SCARB2: variants seen among roughly 807,000 people sequenced by gnomAD.
SCARB2 encodes scavenger receptor class B member 2.
Under a neutral mutation model 58.6 loss-of-function variants are expected in SCARB2, and 29 were observed. The ratio of observed to expected loss-of-function variants is 0.49; its 90% CI spans 0.37 to 0.67. The LOEUF is 0.67. Ranked by LOEUF, SCARB2 falls within the 30% of genes least tolerant of loss-of-function variation. The probability of loss-of-function intolerance (pLI) is 0.00; values close to 1 mark genes in which losing one functional copy is unlikely to be tolerated. For synonymous variants in SCARB2, 195 were observed against 210.1 expected, an observed-to-expected ratio of 0.93 and a Z score of 0.62; for missense variants, 488 against 578.5, an observed-to-expected ratio of 0.84 and a Z score of 1.60.
chr4:76,181,184 A>G, intron 2 of SCARB2, 83 bp from the exon 3 acceptor site: 2 of 1,332,058 alleles, frequency 1.5e-6, no homozygotes, highest in Non-Finnish European at 2.1e-6. Context: ...CATCCAAGTT[A>G]TATTTTCAAT....
chr4:76,158,925 T>G lies in SCARB2; in HGVS notation c.*2788A>C, dbSNP rs563272651. The G allele has an allele frequency of 8.5e-5, 13 of 152,324 alleles. No homozygotes were observed. The highest frequency in any genetic ancestry group is 3.1e-4 in the African/African-American group (13 of 41,580). The allele number at this position is 152,324 out of a possible 1,614,324, so 9.4% of individuals were successfully genotyped here. A position where few individuals can be genotyped will look rare whatever the true frequency, so the allele number is the denominator to read the frequency against. On this transcript the variant is annotated 3_prime_UTR_variant, in exon 12 of 12. Coordinates refer to ENST00000264896, the MANE Select transcript of SCARB2 (RefSeq NM_005506.4). ...AGAGGGCCAAGGATGCGGACCACCT[T>G]TTGCAGAACTCATATCTCGAGCAGT...
chr4:76,204,207 C>G (rs919917161), intron 1 of SCARB2, among the ~76,000 whole-genome samples: 1 of 152,186 alleles, frequency 6.6e-6, no homozygotes, highest in Non-Finnish European at 1.5e-5. Flanking sequence ...AAACCCAACC[C>G]AGACTCATGC....
intron 1 of SCARB2, among the ~76,000 whole-genome samples, chr4:76,227,802 C>A (rs1227458338): frequency 6.6e-6 from 1 of 152,164 alleles, no homozygotes; most frequent in Non-Finnish European, 1.5e-5. Flanking sequence ...TCTTTTCTAA[C>A]TGTTGTTGCT....
At chr4:76,201,647 C>T (rs1173210304) in intron 1 of SCARB2, among the ~76,000 whole-genome samples, 1 of 152,180 alleles carries the variant, frequency 6.6e-6, no homozygotes, top group Admixed American at 6.5e-5. Flanking sequence ...GAGACAGTAA[C>T]TTTCTTAGCT....
chr4:76,168,602 A>T (rs147965262), intron 8 of SCARB2, 126 bp from the exon 9 acceptor site: 3 of 750,804 alleles, frequency 4.0e-6, no homozygotes. Flanking sequence ...TGACAGGCAG[A>T]GTGGAAACAA....
Position 76,160,034 on chromosome 4 carries a change from T to C in SCARB2, c.*1679A>G, listed in dbSNP as rs923389486. ...ATATTTTTGTTAGTTTTTTTACATT[T>C]TGGTGAGTTGGAGTATCTAAAGGTT... On this transcript the variant is annotated 3_prime_UTR_variant, in exon 12 of 12. Coordinates refer to ENST00000264896, the MANE Select transcript of SCARB2 (RefSeq NM_005506.4). 6.6e-6 allele frequency: 1 copy of C among 152,178 alleles called. No individual in the cohort carries two copies. The highest frequency in any genetic ancestry group is 2.4e-5 in the African/African-American group (1 of 41,440). 9.4% of individuals were successfully genotyped at this position (152,178 alleles called of 1,614,324 possible).
chr4:76,165,544 A>G (rs1359618653), intron 10 of SCARB2: 3 of 152,228 alleles, frequency 2.0e-5, no homozygotes, highest in African/African-American at 7.2e-5. Flanking sequence ...ATTACCTTTT[A>G]AAGTTGTTAT....
At chr4:76,229,671 A>G (rs1458663554) in intron 1 of SCARB2, among the ~76,000 whole-genome samples, 1 of 152,166 alleles carries the variant, frequency 6.6e-6, no homozygotes, top group Non-Finnish European at 1.5e-5. Flanking sequence ...GAAATACCTG[A>G]TTCCTGTGAT....
upstream of SCARB2, chr4:76,214,034 G>T (rs536059160): frequency 3.8e-6 from 1 of 266,262 alleles, no homozygotes; most frequent in African/African-American, 2.4e-5. Flanking sequence ...CGGCCTGGCC[G>T]CTCCCAGCGC....
At chr4:76,164,814 A>C (rs1002792813) in intron 10 of SCARB2, 1 of 151,732 alleles carries the variant, frequency 6.6e-6, no homozygotes, top group East Asian at 1.9e-4. Flanking sequence ...AAAAGAAAAG[A>C]AAGCATTTTT....
intron 5 of SCARB2, 156 bp from the exon 6 acceptor site, chr4:76,176,066 A>G: frequency 1.1e-6 from 1 of 913,014 alleles, no homozygotes. Context: ...CAAGGGGGAG[A>G]AAAAGTAGGT....
intron 1 of SCARB2, among the ~76,000 whole-genome samples, chr4:76,232,739 C>A (rs1733514909): frequency 6.6e-6 from 1 of 151,912 alleles, no homozygotes; most frequent in African/African-American, 2.4e-5. Flanking sequence ...CAGGGGCCCT[C>A]TGGACTATCT....
At chr4:76,179,314 A>G (rs781091850) in intron 4 of SCARB2, 16 of 572,268 alleles carry the variant, frequency 2.8e-5, no homozygotes, top group Non-Finnish European at 4.7e-5. Context: ...TCGGTCTCCC[A>G]AAGTCCTGGA....
At chr4:76,229,787 T>C (rs1163316461) in intron 1 of SCARB2, among the ~76,000 whole-genome samples, 1 of 152,222 alleles carries the variant, frequency 6.6e-6, no homozygotes, top group African/African-American at 2.4e-5. Context: ...GTAGATATGC[T>C]TAGTGTGCTG....
intron 2 of SCARB2, among the ~76,000 whole-genome samples, chr4:76,182,705 T>C (rs561311673): frequency 5.9e-5 from 9 of 152,324 alleles, no homozygotes; most frequent in South Asian, 2.1e-4. Context: ...ATCATTTAGA[T>C]TGTGAAATTA....
At chr4:76,181,386 G>A (rs539365631) in intron 2 of SCARB2, among the ~76,000 whole-genome samples, 84 of 152,268 alleles carry the variant, frequency 5.5e-4, no homozygotes, top group African/African-American at 1.9e-3. Flanking sequence ...AATCAAAGCC[G>A]ATGAACTCTC....
chr4:76,213,545 C>T lies in SCARB2; in HGVS notation c.-2G>A. 1 of 1,605,196 alleles carries T rather than the reference C, an allele frequency of 6.2e-7. No individual in the cohort carries two copies. The highest frequency in any genetic ancestry group is 8.5e-7 in the Non-Finnish European group (1 of 1,175,890). On this transcript the variant is annotated 5_prime_UTR_variant, in exon 1 of 12. Coordinates refer to ENST00000264896, the MANE Select transcript of SCARB2 (RefSeq NM_005506.4). ...CGTGTAGAAGCAGCATCGGCCCATT[C>T]TGTGCGCCGCTCACGGGCCGGGCCG... is the stretch of plus-strand genomic sequence containing the variant.
chr4:76,213,533 C>T lies in SCARB2; in HGVS notation c.11G>A (p.Cys4Tyr), dbSNP rs1196467385. The part of the protein sequence containing the change: MGR[C>Y]CFYTAGTLSL... ...CAACGTCCCCGCCGTGTAGAAGCAG[C>T]ATCGGCCCATTCTGTGCGCCGCTCA... is the stretch of plus-strand genomic sequence containing the variant. Residue 4 changes from cysteine to tyrosine, a missense_variant, in exon 1 of 12, where the codon TGC (cysteine) becomes TAC (tyrosine). Cys to Tyr is a radical substitution (Grantham distance 194). Coordinates refer to ENST00000264896, the MANE Select transcript of SCARB2 (RefSeq NM_005506.4). 6.2e-7 allele frequency: 1 copy of T among 1,609,306 alleles called. No individual in the cohort carries two copies. The highest frequency in any genetic ancestry group is 1.1e-5 in the South Asian group (1 of 90,172).
chr4:76,225,007 A>G (rs756644257), intron 1 of SCARB2, among the ~76,000 whole-genome samples: 10 of 152,226 alleles, frequency 6.6e-5, no homozygotes, highest in Non-Finnish European at 1.0e-4. Flanking sequence ...GCATCCTCAT[A>G]GCTTAGCTCC....
Sources: gnomAD v4.1 joint callset for allele counts (sites outside exome capture counted in the v4.1 genomes callset) on GRCh38, gnomAD v4.1.1 for gene constraint, MANE v1.5 for transcripts, NCBI Gene and HGNC (gene_info 2026-07-23, HGNC 2026-07-21) for gene names.